PDIA3: variants seen among roughly 807,000 people sequenced by gnomAD.
PDIA3 encodes protein disulfide isomerase family A member 3, also known as protein disulfide-isomerase A3.
Under a neutral mutation model 56.9 loss-of-function variants are expected in PDIA3, and 16 were observed. The ratio of observed to expected loss-of-function variants is 0.28; its 90% CI spans 0.19 to 0.43. PDIA3 has a LOEUF of 0.43. Among genes scored for constraint, PDIA3 ranks in the 20% least tolerant of loss-of-function variants. The pLI is 1.00. For synonymous variants in PDIA3, 192 were observed against 216.5 expected, an observed-to-expected ratio of 0.89 and a Z score of 0.99; for missense variants, 485 against 621.3, an observed-to-expected ratio of 0.78 and a Z score of 2.33.
At chr15:43,763,736 T>C (rs1476038199) in intron 5 of PDIA3, among the ~76,000 whole-genome samples, 1 of 150,904 alleles carries the variant, frequency 6.6e-6, no homozygotes, top group Non-Finnish European at 1.5e-5. Flanking sequence ...ATATATGGAG[T>C]GGTTGGAAGT....
chr15:43,760,401 TAAAG>T (rs150537503), intron 3 of PDIA3, among the ~76,000 whole-genome samples: 85,046 of 148,994 alleles, frequency 0.57, 28,421 homozygotes, highest in Non-Finnish European at 0.73. Flanking sequence ...AAAAAAAAAA[TAAAG>T]AAAAGAAAAA....
intron 1 of PDIA3, among the ~76,000 whole-genome samples, chr15:43,751,909 A>C (rs2086746914): frequency 6.6e-6 from 1 of 152,166 alleles, no homozygotes; most frequent in African/African-American, 2.4e-5. Context: ...TTAACTCATA[A>C]ATCTGTTGCC....
At chr15:43,753,080 TCCCCAC>T in intron 1 of PDIA3, 1 of 340,650 alleles carries the variant, frequency 2.9e-6, no homozygotes, top group Non-Finnish European at 5.9e-6. Flanking sequence ...CAATTTTGTG[TCCCCAC>T]CCCCACCCCG....
chr15:43,752,998 G>A, intron 1 of PDIA3: 1 of 401,588 alleles, frequency 2.5e-6, no homozygotes, highest in Non-Finnish European at 5.1e-6. Context: ...GGTGAACTAT[G>A]TAGCTGTAAA....
intron 1 of PDIA3, among the ~76,000 whole-genome samples, chr15:43,750,369 GTTAATCTGCTATATATTT>G (rs952607137): frequency 1.3e-5 from 2 of 151,796 alleles, no homozygotes; most frequent in African/African-American, 4.8e-5. Flanking sequence ...CCATTATGGA[GTTAATCTGCTATATATTT>G]TTAAGGATAA....
At chr15:43,755,331 AAAT>A (rs937469359) in intron 2 of PDIA3, among the ~76,000 whole-genome samples, 1 of 152,172 alleles carries the variant, frequency 6.6e-6, no homozygotes, top group Non-Finnish European at 1.5e-5. Flanking sequence ...CCATCTCAAA[AAAT>A]AATAATAATC....
chr15:43,761,560 A>G, intron 4 of PDIA3, 29 bp downstream of exon 4: 2 of 1,175,458 alleles, frequency 1.7e-6, no homozygotes, highest in Admixed American at 1.9e-5. Flanking sequence ...ACCGTGCCAC[A>G]GAATTGTCAG....
intron 1 of PDIA3, among the ~76,000 whole-genome samples, chr15:43,753,299 A>T (rs542402414): frequency 6.6e-6 from 1 of 152,176 alleles, no homozygotes; most frequent in East Asian, 1.9e-4. Flanking sequence ...GCTGGTCTTG[A>T]ACTCCTGACC....
intron 4 of PDIA3, among the ~76,000 whole-genome samples, chr15:43,762,609 T>C (rs958921860): frequency 3.3e-5 from 5 of 152,170 alleles, no homozygotes; most frequent in African/African-American, 9.7e-5. Context: ...TTTTACTGAT[T>C]CTTTATATTT....
intron 12 of PDIA3, among the ~76,000 whole-genome samples, 157 bp downstream of exon 12, chr15:43,770,737 C>T (rs1370939423): frequency 6.6e-6 from 1 of 152,044 alleles, no homozygotes; most frequent in Non-Finnish European, 1.5e-5. Flanking sequence ...GGCGTGATCT[C>T]GGCTCACCGT....
rs112573777 is a variant in PDIA3, at chr15:43,772,859, A to G, written c.*1641A>G. ...CAGGACTTGAAAATGACTTGGCTGA[A>G]CTAAAGGTAAAAAAGCCAAGCCTCT... On this transcript the variant is annotated 3_prime_UTR_variant, in exon 13 of 13. Coordinates refer to ENST00000300289, the MANE Select transcript of PDIA3 (RefSeq NM_005313.5). The G allele has an allele frequency of 1.8e-5, 6 of 332,134 alleles. No homozygotes were observed. The highest frequency in any genetic ancestry group is 6.4e-5 in the African/African-American group (3 of 47,072). The allele number at this position is 332,134 out of a possible 1,614,324, so 20.6% of individuals were successfully genotyped here.
At chr15:43,753,554 A>G (rs1265272424) in intron 1 of PDIA3, among the ~76,000 whole-genome samples, 1 of 152,194 alleles carries the variant, frequency 6.6e-6, no homozygotes, top group Non-Finnish European at 1.5e-5. Context: ...AGCTTTCACA[A>G]CTTAGTTATA....
At chr15:43,748,326 A>C (rs1346738141) in intron 1 of PDIA3, among the ~76,000 whole-genome samples, 1 of 152,100 alleles carries the variant, frequency 6.6e-6, no homozygotes, top group Non-Finnish European at 1.5e-5. Context: ...TAAAAATACG[A>C]AATTAGCCGG....
At position 43,768,579 on chromosome 15, in the gene PDIA3, C is replaced by G. The variant is rs1471340807; in HGVS notation, c.1119C>G (p.Ser373Arg). The change falls in exon 9 of 13, where the codon AGC (serine) becomes AGG (arginine). Residue 373 changes from serine to arginine, a missense_variant. Coordinates refer to ENST00000300289, the MANE Select transcript of PDIA3 (RefSeq NM_005313.5). ...TGAAGTCTGAACCTATCCCAGAGAG[C>G]AATGATGGGCCTGTGAAGGTGAGGT... ...RYLKSEPIPE[S>R]NDGPVKVVVA... 6.2e-7 allele frequency: 1 copy of G among 1,606,904 alleles called. No individual in the cohort carries two copies. Among genetic ancestry groups the G allele is most frequent in the Admixed American group, 1.7e-5 (1 of 59,994 alleles).
rs113205220 is a variant in PDIA3, at chr15:43,766,969, A to G, written c.1028+59A>G. ...CAATTATTAAAGCCTTTTATACTAC[A>G]AAGGATTTCTAAAGAACAATAACCC... On this transcript the variant is annotated intron_variant, in intron 8 of 12. Transcript: ENST00000300289. 2,844 of 1,422,316 alleles carry G rather than the reference A, an allele frequency of 2.0e-3. 52 individuals are homozygous for G. In the African/African-American group the frequency reaches 0.035, roughly 18 times the overall value. The allele number at this position is 1,422,316 out of a possible 1,614,324, so 88.1% of individuals were successfully genotyped here. A position where few individuals can be genotyped will look rare whatever the true frequency, so the allele number is the denominator to read the frequency against.
At position 43,752,246 on chromosome 15, in the gene PDIA3, C is replaced by T. The variant is rs570405382; in HGVS notation, c.168-1578C>T. 1.2e-4 allele frequency among the ~76,000 whole-genome samples: 19 copies of T among 152,252 alleles called. No individual in the cohort carries two copies. In the South Asian group the frequency reaches 3.5e-3, roughly 28 times the overall value. On this transcript the variant is annotated intron_variant, in intron 1 of 12. Coordinates refer to ENST00000300289, the MANE Select transcript of PDIA3 (RefSeq NM_005313.5). ...ATACCCTGCCCTCTTCTCTCTGAAG[C>T]GTTAAATCCTTAAAGACCCAGATCC...
chr15:43,763,006 C>A, intron 4 of PDIA3, 71 bp from the exon 5 acceptor site: 1 of 1,445,980 alleles, frequency 6.9e-7, no homozygotes, highest in Non-Finnish European at 9.6e-7. Context: ...ATGGAATAGA[C>A]GTTTATGGTT....
rs2086880560 is a variant in PDIA3, at chr15:43,771,298, TG to T, written c.*83del. On this transcript the variant is annotated 3_prime_UTR_variant, in exon 13 of 13. Coordinates refer to ENST00000300289, the MANE Select transcript of PDIA3 (RefSeq NM_005313.5). ...CCATTGGGGAGGACTAGGACCCATATGGGAATTATTACCTCTCAGGGCCGAG... is the reference window on the plus strand; with the variant it reads ...CCATTGGGGAGGACTAGGACCCATATGGAATTATTACCTCTCAGGGCCGAG... The T allele has an allele frequency of 9.6e-6, 8 of 831,498 alleles. No homozygotes were observed. Among genetic ancestry groups the T allele is most frequent in the South Asian group, 3.0e-5 (2 of 66,408 alleles). 51.5% of individuals were successfully genotyped at this position (831,498 alleles called of 1,614,324 possible).
chr15:43,763,660 A>G (rs747578787), intron 5 of PDIA3, among the ~76,000 whole-genome samples: 3 of 152,072 alleles, frequency 2.0e-5, no homozygotes, highest in South Asian at 2.1e-4. Context: ...ACATCCCTCT[A>G]TCTAGTAGAG....
Sources: gnomAD v4.1 joint callset for allele counts (sites outside exome capture counted in the v4.1 genomes callset) on GRCh38, gnomAD v4.1.1 for gene constraint, MANE v1.5 for transcripts, NCBI Gene and HGNC (gene_info 2026-07-23, HGNC 2026-07-21) for gene names.